Variants in DRC11 observed in about 807,000 individuals in gnomAD.
DRC11 encodes IQ and AAA domain-containing protein 1.
the DRC11 span, chr2:236,488,204 G>A: frequency 1.9e-6 from 3 of 1,553,428 alleles, no homozygotes; most frequent in Admixed American, 5.9e-5. Context: ...GCAAAAAACA[G>A]TCAAGATAAA....
At chr2:236,443,835 C>A in the DRC11 span, among the ~76,000 whole-genome samples, 1 of 152,186 alleles carries the variant, frequency 6.6e-6, no homozygotes, top group Non-Finnish European at 1.5e-5. The surrounding 1 kb of genome is among the most constrained non-coding windows in gnomAD (Gnocchi z 4.4). Context: ...CTTTTCTCTG[C>A]AACCTTGCCA....
chr2:236,371,114 C>T, the DRC11 span, among the ~76,000 whole-genome samples: 10 of 152,182 alleles, frequency 6.6e-5, no homozygotes, highest in Non-Finnish European at 1.3e-4. This position sits in a 1 kb window ranked among gnomAD's most constrained non-coding sequence, Gnocchi z 5.1. Flanking sequence ...CCACATTCTG[C>T]GTCCGGGGAT....
chr2:236,463,899 G>C, the DRC11 span, among the ~76,000 whole-genome samples: 2 of 152,170 alleles, frequency 1.3e-5, no homozygotes, highest in Non-Finnish European at 2.9e-5. This position sits in a 1 kb window ranked among gnomAD's most constrained non-coding sequence, Gnocchi z 5.0. Context: ...CTGGGTCGAG[G>C]GGATCCACTT....
the DRC11 span, among the ~76,000 whole-genome samples, chr2:236,314,448 C>G: frequency 6.6e-6 from 1 of 152,096 alleles, no homozygotes; most frequent in Non-Finnish European, 1.5e-5. This position sits in a 1 kb window ranked among gnomAD's most constrained non-coding sequence, Gnocchi z 4.5. Flanking sequence ...AACATCATAA[C>G]TAAATGGCCA....
chr2:236,398,992 A>T, the DRC11 span, among the ~76,000 whole-genome samples: 12 of 144,516 alleles, frequency 8.3e-5, no homozygotes, highest in Admixed American at 8.4e-4. This position sits in a 1 kb window ranked among gnomAD's most constrained non-coding sequence, Gnocchi z 6.2. Context: ...ACCAAAAGGA[A>T]TTTTTTTTTT....
At chr2:236,357,582 TATAAA>T in the DRC11 span, among the ~76,000 whole-genome samples, 16 of 127,268 alleles carry the variant, frequency 1.3e-4, no homozygotes, top group African/African-American at 5.0e-4. Context: ...AGTTATATAT[TATAAA>T]TATGCATTTA....
chr2:236,356,999 T>C, the DRC11 span, among the ~76,000 whole-genome samples: 1 of 85,980 alleles, frequency 1.2e-5, no homozygotes, highest in East Asian at 2.2e-4. Context: ...TATCTATATA[T>C]TTATATATTC....
At chr2:236,368,323 G>T in the DRC11 span, 3 of 1,440,184 alleles carry the variant, frequency 2.1e-6, no homozygotes, top group Non-Finnish European at 2.9e-6. Flanking sequence ...AGAAACAGAG[G>T]AACAATAAAT....
the DRC11 span, among the ~76,000 whole-genome samples, chr2:236,397,174 C>A: frequency 6.6e-6 from 1 of 152,212 alleles, no homozygotes; most frequent in East Asian, 1.9e-4. The surrounding 1 kb of genome is among the most constrained non-coding windows in gnomAD (Gnocchi z 5.0). Context: ...TTTCTGTGTT[C>A]TTTTCCTAGT....
the DRC11 span, among the ~76,000 whole-genome samples, chr2:236,346,387 C>T: frequency 6.6e-6 from 1 of 152,222 alleles, no homozygotes; most frequent in South Asian, 2.1e-4. Flanking sequence ...CCATTGTTAT[C>T]ATCCCTGTTT....
the DRC11 span, among the ~76,000 whole-genome samples, chr2:236,356,962 A>ATC: frequency 2.2e-4 from 22 of 101,954 alleles, no homozygotes; most frequent in South Asian, 1.1e-3. Context: ...TATCATAAAT[A>ATC]TATATATTAT....
chr2:236,432,624 G>A, the DRC11 span, among the ~76,000 whole-genome samples: 44 of 152,022 alleles, frequency 2.9e-4, no homozygotes, highest in Non-Finnish European at 4.9e-4. Flanking sequence ...TTTTCTTGTA[G>A]AGCTGTAGGA....
At chr2:236,429,147 G>A in the DRC11 span, among the ~76,000 whole-genome samples, 1 of 152,198 alleles carries the variant, frequency 6.6e-6, no homozygotes, top group Non-Finnish European at 1.5e-5. The surrounding 1 kb of genome is among the most constrained non-coding windows in gnomAD (Gnocchi z 5.9). Context: ...CATCAGGTCT[G>A]GTGTTGTGAG....
At chr2:236,478,181 T>C in the DRC11 span, among the ~76,000 whole-genome samples, 1 of 152,150 alleles carries the variant, frequency 6.6e-6, no homozygotes, top group Non-Finnish European at 1.5e-5. This position sits in a 1 kb window ranked among gnomAD's most constrained non-coding sequence, Gnocchi z 5.9. Context: ...TAGGCCTTTA[T>C]TTGCTATAAA....
the DRC11 span, among the ~76,000 whole-genome samples, chr2:236,369,761 G>A: frequency 1.3e-5 from 2 of 152,254 alleles, no homozygotes; most frequent in African/African-American, 4.8e-5. This position sits in a 1 kb window ranked among gnomAD's most constrained non-coding sequence, Gnocchi z 4.5. Flanking sequence ...TGTGTTTGCA[G>A]TGGCCCCACA....
the DRC11 span, among the ~76,000 whole-genome samples, chr2:236,437,257 C>T: frequency 3.6e-5 from 5 of 138,492 alleles, no homozygotes; most frequent in Non-Finnish European, 6.2e-5. Flanking sequence ...CATGTCCCTA[C>T]AAAGGACATG....
the DRC11 span, among the ~76,000 whole-genome samples, chr2:236,347,670 A>G: frequency 4.6e-5 from 7 of 152,018 alleles, no homozygotes. Context: ...ACGCGAAGGC[A>G]TAAGAATGAT....
the DRC11 span, among the ~76,000 whole-genome samples, chr2:236,357,669 T>A: frequency 1.6e-5 from 2 of 122,814 alleles, no homozygotes; most frequent in African/African-American, 6.5e-5. Context: ...TCATAATACA[T>A]AAATATATAT....
At chr2:236,371,324 T>C in the DRC11 span, among the ~76,000 whole-genome samples, 1 of 152,140 alleles carries the variant, frequency 6.6e-6, no homozygotes, top group Non-Finnish European at 1.5e-5. The surrounding 1 kb of genome is among the most constrained non-coding windows in gnomAD (Gnocchi z 5.1). Context: ...GGAACCAAGA[T>C]AATAAATTCA....
Sources: allele counts gnomAD v4.1 joint callset (sites outside exome capture counted in the v4.1 genomes callset), GRCh38; gene constraint gnomAD v4.1.1; non-coding constraint Gnocchi (gnomAD v3.1); transcripts MANE v1.5; gene names NCBI Gene and HGNC (gene_info 2026-07-23, HGNC 2026-07-21).